PPFIBP1: variants seen among roughly 807,000 people sequenced by gnomAD.
PPFIBP1 encodes PPFIB scaffold protein 1.
Under a neutral mutation model 137.8 loss-of-function variants are expected in PPFIBP1, and 112 were observed. That is an observed-to-expected ratio of 0.81 (90% confidence interval 0.70 to 0.95). The LOEUF (loss-of-function observed/expected upper bound fraction) is 0.95, where lower values mean the gene tolerates loss of function less well. Among genes scored for constraint, PPFIBP1 ranks in the 40% least tolerant of loss-of-function variants. The pLI is 0.00. For synonymous variants in PPFIBP1, 378 were observed against 417.3 expected (o/e 0.91, Z 1.15); for missense variants, 1,083 against 1,196.6 (o/e 0.91, Z 1.40).
At chr12:27,545,908 G>A (rs1476625428) in intron 1 of PPFIBP1, among the ~76,000 whole-genome samples, 1 of 152,224 alleles carries the variant, frequency 6.6e-6, no homozygotes. Flanking sequence ...GTTGGACACG[G>A]TAGTCGTATA....
intron 2 of PPFIBP1, among the ~76,000 whole-genome samples, chr12:27,620,516 G>T (rs2056241060): frequency 6.6e-6 from 1 of 152,188 alleles, no homozygotes; most frequent in Non-Finnish European, 1.5e-5. Flanking sequence ...CACTTTATCA[G>T]TGGGGCCTTC....
At chr12:27,578,556 C>G (rs965590081) in intron 2 of PPFIBP1, among the ~76,000 whole-genome samples, 2 of 152,194 alleles carry the variant, frequency 1.3e-5, no homozygotes, top group African/African-American at 4.8e-5. Flanking sequence ...TCGAGTCCTT[C>G]ATCACTCTTC....
At chr12:27,629,739 G>A (rs1184591155) in intron 2 of PPFIBP1, among the ~76,000 whole-genome samples, 5 of 152,034 alleles carry the variant, frequency 3.3e-5, no homozygotes, top group South Asian at 2.1e-4. Context: ...TTAAAAATAC[G>A]TTGACCTAGC....
chr12:27,672,393 A>C (rs766123547), intron 14 of PPFIBP1, 34 bp from the exon 15 acceptor site: 1 of 1,539,258 alleles, frequency 6.5e-7, no homozygotes, highest in Non-Finnish European at 9.0e-7. Flanking sequence ...TTATTCGTGA[A>C]GTTAATAAAT....
intron 2 of PPFIBP1, among the ~76,000 whole-genome samples, chr12:27,589,627 A>G (rs1304938708): frequency 6.6e-6 from 1 of 152,242 alleles, no homozygotes; most frequent in Non-Finnish European, 1.5e-5. Flanking sequence ...CCTGCCAAGC[A>G]GGTTTATGAA....
At chr12:27,615,230 T>C (rs1276272363) in intron 2 of PPFIBP1, among the ~76,000 whole-genome samples, 1 of 152,224 alleles carries the variant, frequency 6.6e-6, no homozygotes, top group East Asian at 1.9e-4. Context: ...ATACAAGTTA[T>C]TTGGAAAATT....
chr12:27,537,205 C>G lies in PPFIBP1; in HGVS notation c.-124+12840C>G, dbSNP rs192989553. On this transcript the variant is annotated intron_variant, in intron 1 of 29. Coordinates refer to ENST00000228425, the MANE Select transcript of PPFIBP1 (RefSeq NM_003622.4). ...GGAGTGCAATGGTGTGATCTCAGCT[C>G]ACTACAACCTCTGCCTCCCTGGTTC... 2.8e-3 allele frequency among the ~76,000 whole-genome samples: 423 copies of G among 152,134 alleles called. 2 individuals carry two copies. Among genetic ancestry groups the G allele is most frequent in the Non-Finnish European group, 5.0e-3 (340 of 68,000 alleles).
In PPFIBP1 at chr12:27,692,999, G is replaced by T. The variant is rs1003213588; in HGVS notation, c.*117G>T. 1.0e-5 allele frequency: 15 copies of T among 1,438,430 alleles called. No homozygotes were observed. The highest frequency in any genetic ancestry group is 2.8e-5 in the African/African-American group (2 of 70,176). The allele number at this position is 1,438,430 out of a possible 1,614,324, so 89.1% of individuals were successfully genotyped here. A position where few individuals can be genotyped will look rare whatever the true frequency, so the allele number is the denominator to read the frequency against. On this transcript the variant is annotated 3_prime_UTR_variant, in exon 30 of 30. Transcript: ENST00000228425. ...TCTATTGTTTGTTGTTCCAACTTCTGCTGTCGAGAAGTTTAAACAGAAAGC... is the reference window on the plus strand; with the variant it reads ...TCTATTGTTTGTTGTTCCAACTTCTTCTGTCGAGAAGTTTAAACAGAAAGC...
At chr12:27,585,504 A>G (rs1056508894) in intron 2 of PPFIBP1, among the ~76,000 whole-genome samples, 1 of 152,236 alleles carries the variant, frequency 6.6e-6, no homozygotes, top group South Asian at 2.1e-4. Context: ...CTGCAGATTA[A>G]CTGTTCATTT....
intron 2 of PPFIBP1, among the ~76,000 whole-genome samples, chr12:27,614,148 C>T (rs560921543): frequency 7.2e-5 from 11 of 152,072 alleles, no homozygotes; most frequent in East Asian, 3.9e-4. Context: ...GAGGCTGAGA[C>T]GGGAGAATCA....
intron 7 of PPFIBP1, 129 bp downstream of exon 7, chr12:27,650,270 C>A: frequency 1.6e-6 from 1 of 617,982 alleles, no homozygotes; most frequent in Non-Finnish European, 2.5e-6. Context: ...TTAATTACTA[C>A]GTACCATCAT....
chr12:27,643,584 A>G (rs2058263823), intron 4 of PPFIBP1, among the ~76,000 whole-genome samples: 1 of 113,452 alleles, frequency 8.8e-6, no homozygotes, highest in Non-Finnish European at 1.8e-5. Flanking sequence ...GTGCAGAAGG[A>G]ATAAAAGTAG....
At chr12:27,687,249 T>G in intron 24 of PPFIBP1, 136 bp from the exon 25 acceptor site, 1 of 1,000,842 alleles carries the variant, frequency 1.0e-6, no homozygotes, top group Non-Finnish European at 1.4e-6. Flanking sequence ...AATGGGAAAG[T>G]GGGTTCTGAC....
Position 27,564,836 on chromosome 12 carries a change from C to T in PPFIBP1, c.-123-13316C>T, listed in dbSNP as rs139089548. ...CAGGCCGCCAGCCCCTTTGACTCCCCGTCAAGGCCAGGTGCTGGCCAGTCA... is the reference window on the plus strand; with the variant it reads ...CAGGCCGCCAGCCCCTTTGACTCCCTGTCAAGGCCAGGTGCTGGCCAGTCA... On this transcript the variant is annotated intron_variant, in intron 1 of 29. Transcript: ENST00000228425. Among the ~76,000 whole-genome samples, 1,196 of 152,282 alleles carry T rather than the reference C, an allele frequency of 7.9e-3. 15 individuals carry two copies. The highest frequency in any genetic ancestry group is 0.028 in the African/African-American group (1,151 of 41,534).
chr12:27,596,673 A>G (rs2137543588), intron 2 of PPFIBP1, among the ~76,000 whole-genome samples: 1 of 152,312 alleles, frequency 6.6e-6, no homozygotes, highest in South Asian at 2.1e-4. Context: ...GTATATCACC[A>G]TGCCTGGCTA....
intron 2 of PPFIBP1, among the ~76,000 whole-genome samples, chr12:27,632,311 T>C (rs2057322161): frequency 6.6e-6 from 1 of 152,180 alleles, no homozygotes; most frequent in Non-Finnish European, 1.5e-5. Flanking sequence ...AGGGCAAAGG[T>C]TTCTGGGAAA....
At chr12:27,541,581 C>T (rs1376615810) in intron 1 of PPFIBP1, among the ~76,000 whole-genome samples, 1 of 152,186 alleles carries the variant, frequency 6.6e-6, no homozygotes, top group Non-Finnish European at 1.5e-5. Context: ...GTTGCTCAGC[C>T]TCACCCAGGT....
At chr12:27,677,979 T>C (rs571735612) in intron 19 of PPFIBP1, 1 of 152,354 alleles carries the variant, frequency 6.6e-6, no homozygotes, top group South Asian at 2.1e-4. Context: ...AATAAACTGA[T>C]CTGTTCAGAC....
At chr12:27,657,296 T>C (rs2059264706) in intron 9 of PPFIBP1, among the ~76,000 whole-genome samples, 1 of 152,116 alleles carries the variant, frequency 6.6e-6, no homozygotes, top group Non-Finnish European at 1.5e-5. Flanking sequence ...TTCTGAGTAT[T>C]ATATGGACCA....
Sources: gnomAD v4.1 joint callset for allele counts (sites outside exome capture counted in the v4.1 genomes callset) on GRCh38, gnomAD v4.1.1 for gene constraint, MANE v1.5 for transcripts, NCBI Gene and HGNC (gene_info 2026-07-23, HGNC 2026-07-21) for gene names.